The following PLEKHA5 variants were observed in gnomAD, a reference collection of about 807,000 sequenced individuals.
PLEKHA5 encodes pleckstrin homology domain containing A5, also known as pleckstrin homology domain-containing family A member 5.
A neutral mutation model predicts 181.9 loss-of-function variants in PLEKHA5; 55 were observed. The ratio of observed to expected loss-of-function variants is 0.30; its 90% CI spans 0.24 to 0.38. The LOEUF is 0.38. PLEKHA5 is among the 10% of genes least tolerant of loss of function. The probability of loss-of-function intolerance (pLI) is 1.00; values close to 1 mark genes in which losing one functional copy is unlikely to be tolerated. For synonymous variants in PLEKHA5, 535 were observed against 529.4 expected (o/e 1.01, Z -0.15); for missense variants, 1,432 against 1,549.5 (o/e 0.92, Z 1.27).
intron 3 of PLEKHA5, among the ~76,000 whole-genome samples, chr12:19,189,306 G>T (rs530233235): frequency 6.6e-6 from 1 of 152,292 alleles, no homozygotes; most frequent in East Asian, 1.9e-4. Flanking sequence ...TAGTTAAGAA[G>T]CTATTGCGTT....
intron 3 of PLEKHA5, among the ~76,000 whole-genome samples, chr12:19,225,402 G>A (rs1461171754): frequency 6.6e-6 from 1 of 152,056 alleles, no homozygotes; most frequent in Non-Finnish European, 1.5e-5. Context: ...TTTTTTAATT[G>A]AAAATTTGCA....
chr12:19,179,324 A>G (rs763223780), intron 3 of PLEKHA5, among the ~76,000 whole-genome samples: 47 of 152,282 alleles, frequency 3.1e-4, no homozygotes, highest in Middle Eastern at 3.4e-3. Context: ...GCATAAGGCT[A>G]AGGACTGGAG....
intron 20 of PLEKHA5, among the ~76,000 whole-genome samples, chr12:19,325,317 G>C (rs2091837727): frequency 6.6e-6 from 1 of 152,230 alleles, no homozygotes; most frequent in East Asian, 1.9e-4. Flanking sequence ...CTTGAGCCCA[G>C]GAGGTCAAGG....
intron 3 of PLEKHA5, among the ~76,000 whole-genome samples, chr12:19,170,317 G>A (rs899235311): frequency 2.6e-5 from 4 of 152,084 alleles, no homozygotes; most frequent in Admixed American, 1.3e-4. Flanking sequence ...GAGTACTGAT[G>A]TTTCCGCAGA....
At chr12:19,293,635 A>AC (rs1237914347) in intron 15 of PLEKHA5, among the ~76,000 whole-genome samples, 1 of 152,014 alleles carries the variant, frequency 6.6e-6, no homozygotes, top group Non-Finnish European at 1.5e-5. Flanking sequence ...ATCTGAAGTT[A>AC]CCCCACATCT....
At chr12:19,365,224 G>A (rs754232857) in intron 29 of PLEKHA5, among the ~76,000 whole-genome samples, 20 of 151,866 alleles carry the variant, frequency 1.3e-4, no homozygotes, top group East Asian at 2.0e-4. Flanking sequence ...ACAAAAAGCC[G>A]GACGTGGTGG....
At chr12:19,333,442 TG>T (rs1251787322) in intron 20 of PLEKHA5, among the ~76,000 whole-genome samples, 2 of 150,908 alleles carry the variant, frequency 1.3e-5, no homozygotes, top group Admixed American at 6.6e-5. Context: ...TATCCAAGCG[TG>T]GTGGTGCGCA....
chr12:19,281,768 T>TTTGTTG (rs71064075), intron 11 of PLEKHA5, among the ~76,000 whole-genome samples: 4,240 of 149,580 alleles, frequency 0.028, 91 homozygotes, highest in Non-Finnish European at 0.033. Flanking sequence ...CAAAGTGGTT[T>TTTGTTG]TTGTTGTTGT....
intron 15 of PLEKHA5, chr12:19,307,550 A>G: frequency 3.1e-6 from 1 of 322,888 alleles, no homozygotes; most frequent in South Asian, 3.6e-5. Context: ...AACCAGAGAA[A>G]GAAAAAAGAA....
intron 3 of PLEKHA5, among the ~76,000 whole-genome samples, chr12:19,237,503 ATT>A (rs5796793): frequency 6.6e-6 from 1 of 151,830 alleles, no homozygotes; most frequent in Non-Finnish European, 1.5e-5. Context: ...GCATTATGTA[ATT>A]TTTTTTAAGG....
At chr12:19,320,164 C>A in intron 17 of PLEKHA5, 108 bp downstream of exon 17, 1 of 430,206 alleles carries the variant, frequency 2.3e-6, no homozygotes. Context: ...ATGTATATAC[C>A]GTGAAGGATG....
At chr12:19,365,474 C>A (rs1271875371) in intron 29 of PLEKHA5, among the ~76,000 whole-genome samples, 2 of 152,014 alleles carry the variant, frequency 1.3e-5, no homozygotes, top group East Asian at 3.9e-4. Context: ...AGTTCTTTTA[C>A]ATATAAATGG....
Position 19,297,752 on chromosome 12 carries a change from TA to T in PLEKHA5, c.2037+6056del, listed in dbSNP as rs1256466213. Among the ~76,000 whole-genome samples, 106 of 105,666 alleles carry T rather than the reference TA, an allele frequency of 1.0e-3. 1 individual carries two copies. The highest frequency in any genetic ancestry group is 3.9e-3 in the Admixed American group (38 of 9,834). The allele number at this position is 105,666 out of a possible 152,430, so 69.3% of individuals were successfully genotyped here. On this transcript the variant is annotated intron_variant, in intron 15 of 31. Transcript: ENST00000429027. The stretch of plus-strand genomic sequence containing the variant: ...TCTTTATAATTTACCAGTAAATTAT[TA>T]TTTTTTTTTTTTTTTTGAGAATGAA...
At chr12:19,232,553 G>A (rs1184394867) in intron 3 of PLEKHA5, among the ~76,000 whole-genome samples, 1 of 152,114 alleles carries the variant, frequency 6.6e-6, no homozygotes, top group Non-Finnish European at 1.5e-5. Context: ...AAATTAAACA[G>A]TTCTGAATCC....
chr12:19,156,117 T>A (rs190827100), intron 3 of PLEKHA5, among the ~76,000 whole-genome samples: 11 of 152,294 alleles, frequency 7.2e-5, no homozygotes, highest in Admixed American at 7.2e-4. Flanking sequence ...CGCGCAAAGT[T>A]CTTATTGCAG....
intron 15 of PLEKHA5, among the ~76,000 whole-genome samples, chr12:19,303,327 G>A (rs1048091961): frequency 2.0e-5 from 3 of 151,992 alleles, no homozygotes; most frequent in African/African-American, 7.2e-5. Context: ...GACCATCTTG[G>A]CTCTGCTCAC....
intron 20 of PLEKHA5, among the ~76,000 whole-genome samples, chr12:19,323,829 A>G (rs573311813): frequency 3.2e-4 from 49 of 151,960 alleles, no homozygotes; most frequent in African/African-American, 8.9e-4. Flanking sequence ...AAAAAAAAAA[A>G]AAAGAAAGAA....
chr12:19,318,273 G>T (rs2089659204), intron 16 of PLEKHA5, among the ~76,000 whole-genome samples: 1 of 151,546 alleles, frequency 6.6e-6, no homozygotes, highest in Non-Finnish European at 1.5e-5. Context: ...AAATTTCGGT[G>T]GTACTAAAAG....
chr12:19,349,089 TTTG>T (rs146606952), intron 25 of PLEKHA5, among the ~76,000 whole-genome samples: 4,717 of 144,836 alleles, frequency 0.033, 107 homozygotes, highest in Non-Finnish European at 0.044. Context: ...GGTGGTTGTT[TTTG>T]TTGTTGTTGT....
Sources: gnomAD v4.1 joint callset for allele counts (sites outside exome capture counted in the v4.1 genomes callset) on GRCh38, gnomAD v4.1.1 for gene constraint, MANE v1.5 for transcripts, NCBI Gene and HGNC (gene_info 2026-07-23, HGNC 2026-07-21) for gene names.